PYROXD2: variants seen among roughly 807,000 people sequenced by gnomAD.
The protein encoded by PYROXD2 is pyridine nucleotide-disulfide oxidoreductase domain-containing protein 2.
PYROXD2 carries 69 observed loss-of-function variants against 71.1 expected under a neutral mutation model. The observed-to-expected ratio is 0.97, with a 90% CI of 0.80 to 1.19. The LOEUF is 1.19. Ranked by LOEUF, PYROXD2 falls within the 50% of genes most tolerant of loss-of-function variation. The pLI, the probability that PYROXD2 is intolerant of heterozygous loss-of-function variation, is 0.00. For missense variants in PYROXD2, 745 were observed against 748.9 expected, an observed-to-expected ratio of 0.99 and a Z score of 0.06; for synonymous variants, 287 against 302.7, an observed-to-expected ratio of 0.95 and a Z score of 0.54.
intron 10 of PYROXD2, among the ~76,000 whole-genome samples, 199 bp from the exon 11 acceptor site, chr10:98,391,281 C>T (rs1842938051): frequency 6.6e-6 from 1 of 152,188 alleles, no homozygotes; most frequent in Non-Finnish European, 1.5e-5. Flanking sequence ...CTCCTCCGCG[C>T]TTGGCCAGCA....
intron 2 of PYROXD2, among the ~76,000 whole-genome samples, chr10:98,408,969 A>G (rs1843699876): frequency 6.6e-6 from 1 of 152,206 alleles, no homozygotes; most frequent in Non-Finnish European, 1.5e-5. Flanking sequence ...TGATGAGTAG[A>G]GGTGTTGGGA....
chr10:98,390,888 G>A, intron 11 of PYROXD2, 122 bp downstream of exon 11: 1 of 1,352,910 alleles, frequency 7.4e-7, no homozygotes, highest in Non-Finnish European at 1.0e-6. Context: ...CCAGGCTGCA[G>A]GGGGACACAG....
chr10:98,409,032 A>T (rs1003922060), intron 2 of PYROXD2, among the ~76,000 whole-genome samples: 1 of 152,172 alleles, frequency 6.6e-6, no homozygotes, highest in Admixed American at 6.5e-5. Context: ...ATAACCTCCT[A>T]TCATAACCTA....
rs537902688 is a variant in PYROXD2, at chr10:98,386,358, G to A, written c.1554+843C>T. Among the ~76,000 whole-genome samples the A allele has an allele frequency of 4.9e-4, 74 of 150,930 alleles. 2 individuals are homozygous for A. The highest frequency in any genetic ancestry group is 5.9e-4 in the Non-Finnish European group (40 of 67,780). On this transcript the variant is annotated intron_variant, in intron 14 of 15. Coordinates refer to ENST00000370575, the MANE Select transcript of PYROXD2 (RefSeq NM_032709.3). The stretch of plus-strand genomic sequence containing the variant: ...GGAAGGAAGGAAGGAAGGAAGGAAG[G>A]AAGGAAGGGCAAGCTGATGAAACTA...
chr10:98,413,678 C>T (rs751483952), intron 1 of PYROXD2, among the ~76,000 whole-genome samples: 3 of 152,140 alleles, frequency 2.0e-5, no homozygotes, highest in Non-Finnish European at 2.9e-5. Context: ...TGCGCCGCTG[C>T]ACTCCAGCCT....
rs1315258795 is a variant in PYROXD2 at position 98,387,240 on chromosome 10, T to C, written c.1515A>G (p.Thr505=). ...KDSVVGRDIL[T]PPDLERIFGL... ...CGAAGATTCTCTCCAAATCTGGTGG[T>C]GTGAGGATGTCTCTGCCAACCACAG... is the stretch of plus-strand genomic sequence containing the variant. Residue 505 remains threonine (T), a synonymous_variant, in exon 14 of 16, where the codon ACA becomes ACG. Coordinates refer to ENST00000370575, the MANE Select transcript of PYROXD2 (RefSeq NM_032709.3). 6.2e-7 allele frequency: 1 copy of C among 1,614,058 alleles called. No homozygotes were observed. The highest frequency in any genetic ancestry group is 2.2e-5 in the East Asian group (1 of 44,872).
At chr10:98,411,161 A>C in intron 1 of PYROXD2, 2 of 727,530 alleles carry the variant, frequency 2.7e-6, no homozygotes, top group Non-Finnish European at 4.4e-6. Flanking sequence ...GAGTCAGAAA[A>C]CCCTGGTTCT....
At chr10:98,392,639 T>C (rs749559837) in intron 9 of PYROXD2, 73 bp from the exon 10 acceptor site, 2 of 1,583,110 alleles carry the variant, frequency 1.3e-6, no homozygotes, top group Non-Finnish European at 1.7e-6. Flanking sequence ...GGGATTTCCA[T>C]GGTCTGTGCT....
intron 13 of PYROXD2, 84 bp from the exon 14 acceptor site, chr10:98,387,391 C>A (rs1363053303): frequency 1.1e-6 from 1 of 884,726 alleles, no homozygotes; most frequent in Non-Finnish European, 1.8e-6. Flanking sequence ...AATTTACTAA[C>A]AGTCATTAAA....
intron 4 of PYROXD2, among the ~76,000 whole-genome samples, chr10:98,406,120 C>T (rs1156543651): frequency 6.6e-6 from 1 of 152,234 alleles, no homozygotes; most frequent in Non-Finnish European, 1.5e-5. Flanking sequence ...TATCACACAA[C>T]AGGACTGCTT....
chr10:98,404,710 G>C (rs1286996218), intron 4 of PYROXD2, among the ~76,000 whole-genome samples: 2 of 151,666 alleles, frequency 1.3e-5, no homozygotes, highest in Non-Finnish European at 2.9e-5. Flanking sequence ...TAAAGGACCA[G>C]AGATACAAGA....
rs765524203 is a variant in PYROXD2, at chr10:98,392,513, C to T, written c.981G>A (p.Leu327=). The T allele has an allele frequency of 1.5e-5, 24 of 1,613,696 alleles. No homozygotes were observed. Among genetic ancestry groups the T allele is most frequent in the Non-Finnish European group, 1.9e-5 (23 of 1,180,026 alleles). ...NSEGCVQGVV[L]EDGTEVRSKM... is the part of the protein sequence containing the mutation. ...TGCTTCTCACCTCTGTGCCATCTTC[C>T]AGCACAACTCCTTGAACACAGCCTT... Residue 327 remains leucine (L), a synonymous_variant, in exon 10 of 16, where the codon CTG becomes CTA. Coordinates refer to ENST00000370575, the MANE Select transcript of PYROXD2 (RefSeq NM_032709.3).
chr10:98,403,106 TGGA>T (rs552089162), intron 4 of PYROXD2, among the ~76,000 whole-genome samples: 504 of 152,334 alleles, frequency 3.3e-3, no homozygotes, highest in Non-Finnish European at 5.8e-3. Flanking sequence ...GGACACTCTG[TGGA>T]GGAGATTTCC....
chr10:98,404,352 CTG>C (rs1843521907), intron 4 of PYROXD2, among the ~76,000 whole-genome samples: 1 of 152,182 alleles, frequency 6.6e-6, no homozygotes, highest in Non-Finnish European at 1.5e-5. Context: ...GTGCTGGAGA[CTG>C]TGAGCATACT....
chr10:98,411,313 C>T, intron 1 of PYROXD2: 1 of 273,588 alleles, frequency 3.7e-6, no homozygotes, highest in Non-Finnish European at 6.9e-6. Context: ...GTTGAGTTGG[C>T]AAGCAGGAGA....
At chr10:98,390,543 G>A (rs767413322) in intron 12 of PYROXD2, 55 bp downstream of exon 12, 48 of 1,503,224 alleles carry the variant, frequency 3.2e-5, no homozygotes, top group Admixed American at 1.1e-4. Context: ...GGACAGCCCC[G>A]CCTCCCAGGC....
At position 98,400,225 on chromosome 10, in the gene PYROXD2, G is replaced by C. The variant is rs546604085; in HGVS notation, c.348C>G (p.Pro116=). ...KHGLRLHLRN[P]YSFTPMLEEG... ...CTTCCAGCATGGGGGTGAAGGAGTAGGGGTTTCGAAGATGAAGCCTCAGCC... is the reference window on the plus strand; with the variant it reads ...CTTCCAGCATGGGGGTGAAGGAGTACGGGTTTCGAAGATGAAGCCTCAGCC... Residue 116 remains proline, a synonymous_variant, in exon 5 of 16, where the codon CCC becomes CCG. Coordinates refer to ENST00000370575, the MANE Select transcript of PYROXD2 (RefSeq NM_032709.3). 2.5e-6 allele frequency: 4 copies of C among 1,612,130 alleles called. No individual in the cohort carries two copies. The highest frequency in any genetic ancestry group is 2.2e-5 in the East Asian group (1 of 44,848).
At chr10:98,383,950 A>G in intron 15 of PYROXD2, 82 bp from the exon 16 acceptor site, 1 of 1,252,754 alleles carries the variant, frequency 8.0e-7, no homozygotes, top group South Asian at 1.2e-5. Flanking sequence ...ACAGAGATCC[A>G]GCAACAAAGC....
intron 12 of PYROXD2, among the ~76,000 whole-genome samples, chr10:98,390,214 A>G (rs1842900429): frequency 6.6e-6 from 1 of 152,196 alleles, no homozygotes; most frequent in Non-Finnish European, 1.5e-5. Flanking sequence ...GCAAGAAGGC[A>G]GATTATCAGA....
Sources: allele counts gnomAD v4.1 joint callset (sites outside exome capture counted in the v4.1 genomes callset), GRCh38; gene constraint gnomAD v4.1.1; transcripts MANE v1.5; gene names NCBI Gene and HGNC (gene_info 2026-07-23, HGNC 2026-07-21).